Variants in PIAS1 observed in about 807,000 individuals in gnomAD.
PIAS1 encodes protein inhibitor of activated STAT 1.
PIAS1 carries 6 observed loss-of-function variants against 71.3 expected under a neutral mutation model. The observed-to-expected ratio is 0.08, with a 90% confidence interval of 0.05 to 0.17. PIAS1 has a LOEUF of 0.17. Among genes scored for constraint, PIAS1 ranks in the 10% least tolerant of loss-of-function variants. PIAS1 has a pLI of 1.00. For missense variants in PIAS1, 555 were observed against 793.6 expected (o/e 0.70, Z 3.61); for synonymous variants, 303 against 292.9 (o/e 1.03, Z -0.35).
chr15:68,078,620 A>G (rs1393823645), intron 1 of PIAS1, among the ~76,000 whole-genome samples: 2 of 152,252 alleles, frequency 1.3e-5, no homozygotes, highest in South Asian at 2.1e-4. Context: ...AAGACATTGT[A>G]TTAGTTATGA....
intron 2 of PIAS1, among the ~76,000 whole-genome samples, chr15:68,124,039 CAT>C (rs1480182954): frequency 1.3e-5 from 2 of 152,028 alleles, no homozygotes; most frequent in Non-Finnish European, 2.9e-5. Context: ...TATGTATACA[CAT>C]GCACAAAAAG....
At chr15:68,151,707 C>CACACACAAAA (rs140053964) in intron 6 of PIAS1, among the ~76,000 whole-genome samples, 4 of 134,508 alleles carry the variant, frequency 3.0e-5, no homozygotes, top group East Asian at 4.6e-4. Flanking sequence ...CACACACACA[C>CACACACAAAA]AAATTAGCTA....
Position 68,187,527 on chromosome 15 carries a change from G to A in PIAS1, c.1663-15G>A, listed in dbSNP as rs755936615. Reference sequence around the variant, plus strand: ...TATAATTAACATTTTTGTGTCTTTTGTTTCCCCTCCCTAGCATTACAACAC... The same window carrying A: ...TATAATTAACATTTTTGTGTCTTTTATTTCCCCTCCCTAGCATTACAACAC... On this transcript the variant is annotated splice_polypyrimidine_tract_variant and intron_variant, in intron 13 of 13. Transcript: ENST00000249636. The surrounding 1 kb of genome is among the most constrained non-coding windows in gnomAD (Gnocchi z 5.3). The A allele has an allele frequency of 3.1e-6, 5 of 1,606,958 alleles. No homozygotes were observed. The highest frequency in any genetic ancestry group is 3.4e-6 in the Non-Finnish European group (4 of 1,174,654).
In PIAS1 at chr15:68,086,293, T is replaced by A; in HGVS notation, c.25-13T>A. ...TGGAATACTAATGTTTTACATTTTGTTTTTTCTCTAAGCAAATGGTTATGA... is the reference window on the plus strand; with the variant it reads ...TGGAATACTAATGTTTTACATTTTGATTTTTCTCTAAGCAAATGGTTATGA... On this transcript the variant is annotated splice_polypyrimidine_tract_variant and intron_variant, in intron 1 of 13. Coordinates refer to ENST00000249636, the MANE Select transcript of PIAS1 (RefSeq NM_016166.3). This position sits in a 1 kb window ranked among gnomAD's most constrained non-coding sequence, Gnocchi z 7.2. The A allele has an allele frequency of 6.5e-7, 1 of 1,528,722 alleles. No homozygotes were observed. Among genetic ancestry groups the A allele is most frequent in the Non-Finnish European group, 8.8e-7 (1 of 1,133,102 alleles). 94.7% of individuals were successfully genotyped at this position (1,528,722 alleles called of 1,614,324 possible).
chr15:68,127,755 T>C (rs2092661028), intron 2 of PIAS1, among the ~76,000 whole-genome samples: 1 of 152,158 alleles, frequency 6.6e-6, no homozygotes. Context: ...TTTCATTTTA[T>C]TTTATTTATG....
intron 2 of PIAS1, among the ~76,000 whole-genome samples, chr15:68,106,729 G>T (rs546218691): frequency 1.3e-5 from 2 of 152,172 alleles, no homozygotes; most frequent in South Asian, 4.1e-4. Flanking sequence ...TAAAGCAGAA[G>T]AAAATAGCCT....
intron 1 of PIAS1, among the ~76,000 whole-genome samples, chr15:68,059,839 A>G (rs2091938702): frequency 6.6e-6 from 1 of 152,124 alleles, no homozygotes; most frequent in African/African-American, 2.4e-5. Flanking sequence ...CGGTTTCCCA[A>G]AGTGTTGGGA....
intron 1 of PIAS1, among the ~76,000 whole-genome samples, chr15:68,083,764 T>TAA (rs34242425): frequency 1.9e-4 from 25 of 129,114 alleles, no homozygotes; most frequent in Middle Eastern, 3.9e-3. Context: ...ATGAATCCTG[T>TAA]AAAAAAAAAA....
intron 7 of PIAS1, among the ~76,000 whole-genome samples, chr15:68,156,460 T>C (rs2092890007): frequency 6.6e-6 from 1 of 151,440 alleles, no homozygotes; most frequent in Non-Finnish European, 1.5e-5. Context: ...TCCCAGCACA[T>C]TGGAAGGCCG....
intron 2 of PIAS1, chr15:68,087,730 G>C: frequency 3.7e-6 from 1 of 272,098 alleles, no homozygotes; most frequent in Non-Finnish European, 7.7e-6. Flanking sequence ...TTTCAGTTTG[G>C]GGGACTGGCA....
intron 2 of PIAS1, among the ~76,000 whole-genome samples, chr15:68,141,184 G>A (rs954051994): frequency 2.6e-5 from 4 of 152,028 alleles, no homozygotes; most frequent in Non-Finnish European, 4.4e-5. Flanking sequence ...GGGCAACAGA[G>A]CAAGACCCTG....
rs1458712933 is a variant in PIAS1 at position 68,186,683 on chromosome 15, C to A, written c.1663-859C>A. 6.6e-6 allele frequency among the ~76,000 whole-genome samples: 1 copy of A among 152,348 alleles called. No individual in the cohort carries two copies. Among genetic ancestry groups the A allele is most frequent in the South Asian group, 2.1e-4 (1 of 4,826 alleles). On this transcript the variant is annotated intron_variant, in intron 13 of 13. Transcript: ENST00000249636. The surrounding 1 kb of genome is among the most constrained non-coding windows in gnomAD (Gnocchi z 4.4). ...GCAGGCTCCATTCATGGTAAGTGCC[C>A]TATACAGGTGTATCATTTTTTTATC...
intron 2 of PIAS1, among the ~76,000 whole-genome samples, chr15:68,125,065 T>C (rs530355831): frequency 3.3e-4 from 50 of 152,372 alleles, no homozygotes; most frequent in Non-Finnish European, 6.5e-4. Flanking sequence ...ATTATGACTA[T>C]GTAAACACTA....
chr15:68,123,380 C>A (rs2092626626), intron 2 of PIAS1, among the ~76,000 whole-genome samples: 1 of 152,090 alleles, frequency 6.6e-6, no homozygotes, highest in Admixed American at 6.6e-5. Flanking sequence ...TTCTACATAC[C>A]CTCTTACACA....
rs1261347032 is a variant in PIAS1 at position 68,185,147 on chromosome 15, C to A, written c.1662+1480C>A. ...TCCATATACCACCTCTTTGATCCAA[C>A]CAATGAATCAAGGAGTTGTAGCAGT... On this transcript the variant is annotated intron_variant, in intron 13 of 13. Transcript: ENST00000249636. This position sits in a 1 kb window ranked among gnomAD's most constrained non-coding sequence, Gnocchi z 4.4. 1 of 152,156 alleles carries A rather than the reference C, an allele frequency of 6.6e-6. No homozygotes were observed. The highest frequency in any genetic ancestry group is 1.5e-5 in the Non-Finnish European group (1 of 68,034). 9.4% of individuals were successfully genotyped at this position (152,156 alleles called of 1,614,324 possible).
chr15:68,071,681 G>A (rs1210065394), intron 1 of PIAS1, among the ~76,000 whole-genome samples: 2 of 151,894 alleles, frequency 1.3e-5, no homozygotes, highest in Admixed American at 6.6e-5. Context: ...TTGGAAGTTG[G>A]TGGCCAGGCA....
chr15:68,089,274 T>C (rs1042040444), intron 2 of PIAS1, among the ~76,000 whole-genome samples: 1 of 152,208 alleles, frequency 6.6e-6, no homozygotes, highest in African/African-American at 2.4e-5. Context: ...TTAAGGCCTT[T>C]ATTTTGGAGC....
chr15:68,149,603 G>T (rs2092832005), intron 6 of PIAS1, among the ~76,000 whole-genome samples: 2 of 151,632 alleles, frequency 1.3e-5, no homozygotes, highest in Non-Finnish European at 2.9e-5. Context: ...CATGTTGGTT[G>T]TTATTATTAC....
At chr15:68,148,656 T>A (rs1394110715) in intron 6 of PIAS1, among the ~76,000 whole-genome samples, 1 of 152,246 alleles carries the variant, frequency 6.6e-6, no homozygotes, top group Non-Finnish European at 1.5e-5. Context: ...CTTGAACTCC[T>A]GACCTTGTGA....
Sources: gnomAD v4.1 joint callset for allele counts (sites outside exome capture counted in the v4.1 genomes callset) on GRCh38, gnomAD v4.1.1 for gene constraint, Gnocchi (gnomAD v3.1) non-coding constraint, MANE v1.5 for transcripts, NCBI Gene and HGNC (gene_info 2026-07-23, HGNC 2026-07-21) for gene names.